KAZN: variants seen among roughly 807,000 people sequenced by gnomAD.
KAZN encodes kazrin.
A neutral mutation model predicts 87.4 loss-of-function variants in KAZN; 40 were observed. The observed-to-expected ratio is 0.46, with a 90% CI of 0.36 to 0.60. KAZN has a LOEUF of 0.60. KAZN is among the 20% of genes least tolerant of loss of function. KAZN has a pLI of 0.00. For synonymous variants in KAZN, 466 were observed against 458.3 expected, an observed-to-expected ratio of 1.02 and a Z score of -0.22; for missense variants, 898 against 1,073.9, an observed-to-expected ratio of 0.84 and a Z score of 2.29.
Position 14,195,688 on chromosome 1 carries a change from G to A in KAZN, c.249+15096G>A, listed in dbSNP as rs142832167. ...TTAAATAAGTATAATTAATATCCTC[G>A]GAGAAATAAGAAAATGTTGCATCTG... On this transcript the variant is annotated intron_variant, in intron 2 of 16. Transcript: ENST00000636203. Among the ~76,000 whole-genome samples, 820 of 152,146 alleles carry A rather than the reference G, an allele frequency of 5.4e-3. 6 individuals carry two copies. The highest frequency in any genetic ancestry group is 0.018 in the African/African-American group (755 of 41,506).
intron 1 of KAZN, among the ~76,000 whole-genome samples, chr1:14,708,852 C>T (rs1276217589): frequency 2.0e-5 from 3 of 152,176 alleles, no homozygotes; most frequent in Non-Finnish European, 4.4e-5. Flanking sequence ...TTTGGTTTAT[C>T]GTTTTGTTTG....
chr1:14,284,577 C>T (rs941986525), intron 2 of KAZN, among the ~76,000 whole-genome samples: 17 of 152,096 alleles, frequency 1.1e-4, no homozygotes, highest in African/African-American at 4.1e-4. Flanking sequence ...TGAGTGTTGT[C>T]TTTATTCTCA....
chr1:14,344,812 C>CT (rs1657990629), intron 2 of KAZN, among the ~76,000 whole-genome samples: 1 of 152,050 alleles, frequency 6.6e-6, no homozygotes, highest in Non-Finnish European at 1.5e-5. Context: ...AAAACTCCTA[C>CT]TAGGTTAAGG....
chr1:14,311,908 G>C (rs1655332795), intron 2 of KAZN, among the ~76,000 whole-genome samples: 1 of 152,126 alleles, frequency 6.6e-6, no homozygotes, highest in Non-Finnish European at 1.5e-5. Context: ...AAGTATGCTA[G>C]GGAACTTCAG....
intron 1 of KAZN, among the ~76,000 whole-genome samples, chr1:14,696,995 A>G (rs752580468): frequency 2.0e-5 from 3 of 152,058 alleles, no homozygotes; most frequent in Non-Finnish European, 2.9e-5. Context: ...CCCTTCTCCT[A>G]TGAAAAAGAA....
intron 2 of KAZN, among the ~76,000 whole-genome samples, chr1:14,258,804 T>G (rs751636142): frequency 1.3e-5 from 2 of 152,192 alleles, no homozygotes; most frequent in African/African-American, 2.4e-5. Flanking sequence ...GGAATGCAGG[T>G]GACTACAACC....
At chr1:14,609,103 T>C (rs1677606383) in intron 1 of KAZN, among the ~76,000 whole-genome samples, 1 of 152,208 alleles carries the variant, frequency 6.6e-6, no homozygotes, top group Admixed American at 6.5e-5. Flanking sequence ...CCTGGAATTA[T>C]ATGTGTATTG....
intron 2 of KAZN, among the ~76,000 whole-genome samples, chr1:14,295,436 G>T (rs1362334685): frequency 6.6e-6 from 1 of 152,048 alleles, no homozygotes; most frequent in Non-Finnish European, 1.5e-5. Context: ...CACAAAGAAA[G>T]ACAAGGACAC....
At chr1:14,581,146 C>T (rs895919654) in intron 2 of KAZN, among the ~76,000 whole-genome samples, 4 of 152,184 alleles carry the variant, frequency 2.6e-5, no homozygotes, top group African/African-American at 9.7e-5. Flanking sequence ...GAACTCCAAG[C>T]TTGTGTATCC....
At chr1:14,026,266 C>A (rs969800321) in intron 1 of KAZN, among the ~76,000 whole-genome samples, 2 of 152,120 alleles carry the variant, frequency 1.3e-5, no homozygotes, top group Non-Finnish European at 2.9e-5. Context: ...CGAGGGCTGG[C>A]AACAGTGAGT....
At chr1:14,712,783 C>T (rs1414035021) in intron 1 of KAZN, among the ~76,000 whole-genome samples, 1 of 152,168 alleles carries the variant, frequency 6.6e-6, no homozygotes, top group Non-Finnish European at 1.5e-5. Flanking sequence ...TGGAACATTC[C>T]CCTAGTGCAA....
intron 1 of KAZN, among the ~76,000 whole-genome samples, chr1:14,038,087 T>G (rs966313959): frequency 1.3e-5 from 2 of 152,142 alleles, no homozygotes; most frequent in African/African-American, 4.8e-5. Context: ...ATTTGTTCAG[T>G]AAGGTTTGTT....
intron 1 of KAZN, among the ~76,000 whole-genome samples, chr1:14,675,683 C>T (rs1640175800): frequency 6.6e-6 from 1 of 152,154 alleles, no homozygotes; most frequent in Non-Finnish European, 1.5e-5. Flanking sequence ...CGGTCTTCTT[C>T]TAATCATTCC....
intron 2 of KAZN, among the ~76,000 whole-genome samples, chr1:14,560,492 T>C (rs182223475): frequency 5.9e-4 from 90 of 152,222 alleles, no homozygotes; most frequent in Middle Eastern, 3.4e-3. Context: ...GGCAGAGAAT[T>C]GCTTGAACCC....
At chr1:13,952,607 A>G (rs573394520) in intron 1 of KAZN, among the ~76,000 whole-genome samples, 1 of 151,748 alleles carries the variant, frequency 6.6e-6, no homozygotes, top group South Asian at 2.1e-4. Context: ...GAGGAGAGAG[A>G]ACAAACAGCA....
chr1:14,777,154 A>ATTTTTTT (rs55767259), intron 1 of KAZN, among the ~76,000 whole-genome samples: 1 of 67,796 alleles, frequency 1.5e-5, no homozygotes. Context: ...CACCCAGCTA[A>ATTTTTTT]TTTTTTTTTT....
intron 1 of KAZN, among the ~76,000 whole-genome samples, chr1:14,907,842 T>C (rs532179097): frequency 6.6e-6 from 1 of 152,148 alleles, no homozygotes; most frequent in African/African-American, 2.4e-5. Context: ...CTCATCCCAG[T>C]GGAAGGGCAC....
At chr1:13,902,392 C>T (rs149200095) in intron 1 of KAZN, among the ~76,000 whole-genome samples, 96 of 152,302 alleles carry the variant, frequency 6.3e-4, no homozygotes, top group Middle Eastern at 3.4e-3. Flanking sequence ...GAGTTGGTCT[C>T]ATTCTTGGAC....
intron 1 of KAZN, among the ~76,000 whole-genome samples, chr1:14,762,737 A>T (rs1315148013): frequency 6.6e-6 from 1 of 151,584 alleles, no homozygotes; most frequent in Non-Finnish European, 1.5e-5. Flanking sequence ...AAAAAAAAAA[A>T]GAAAGAAGAA....
Sources: allele counts gnomAD v4.1 joint callset (sites outside exome capture counted in the v4.1 genomes callset), GRCh38; gene constraint gnomAD v4.1.1; transcripts MANE v1.5; gene names NCBI Gene and HGNC (gene_info 2026-07-23, HGNC 2026-07-21).